The following SLC20A2 variants were observed in gnomAD, a reference collection of about 807,000 sequenced individuals.
SLC20A2 encodes the protein solute carrier family 20 member 2.
SLC20A2 carries 30 observed loss-of-function variants against 61.0 expected under a neutral mutation model. The ratio of observed to expected loss-of-function variants is 0.49; its 90% CI spans 0.37 to 0.67. The LOEUF is 0.67. Ranked by LOEUF, SLC20A2 falls within the 30% of genes least tolerant of loss-of-function variation. SLC20A2 has a pLI of 0.00. For synonymous variants in SLC20A2, 351 were observed against 353.3 expected (o/e 0.99, Z 0.07); for missense variants, 626 against 866.4 (o/e 0.72, Z 3.48).
intron 6 of SLC20A2, 35 bp downstream of exon 6, chr8:42,444,611 A>G: frequency 2.6e-6 from 4 of 1,511,856 alleles, no homozygotes; most frequent in Non-Finnish European, 3.7e-6. Context: ...AATCGGGAGC[A>G]TTTCTGTAAA....
chr8:42,465,889 G>A lies in SLC20A2; in HGVS notation c.318C>T (p.Ser106=). The part of the protein sequence containing the change: ...VGSAVWQLIA[S]FLRLPISGTH... ...TTCCTGAGATTGGAAGCCTCAGGAAGGAAGCAATCAGCTGCCACACAGCGG... is the reference window on the plus strand; with the variant it reads ...TTCCTGAGATTGGAAGCCTCAGGAAAGAAGCAATCAGCTGCCACACAGCGG... Residue 106 remains serine (S), a synonymous_variant, in exon 3 of 11, where the codon TCC becomes TCT. Coordinates refer to ENST00000520262, the MANE Select transcript of SLC20A2 (RefSeq NM_001257180.2). 1 of 1,613,186 alleles carries A rather than the reference G, an allele frequency of 6.2e-7. No homozygotes were observed. Among genetic ancestry groups the A allele is most frequent in the Non-Finnish European group, 8.5e-7 (1 of 1,179,788 alleles).
chr8:42,445,374 AT>A (rs1422262049), intron 5 of SLC20A2, among the ~76,000 whole-genome samples: 1 of 152,166 alleles, frequency 6.6e-6, no homozygotes, highest in African/African-American at 2.4e-5. Context: ...TTGGGATGAA[AT>A]CCATTTACAT....
At chr8:42,507,850 C>T (rs994887485) in intron 1 of SLC20A2, among the ~76,000 whole-genome samples, 2 of 152,190 alleles carry the variant, frequency 1.3e-5, no homozygotes, top group Non-Finnish European at 2.9e-5. Context: ...AAAGAAGAGG[C>T]TTCCAGTTGT....
chr8:42,514,527 G>A (rs1811209924), intron 1 of SLC20A2, among the ~76,000 whole-genome samples: 1 of 152,182 alleles, frequency 6.6e-6, no homozygotes, highest in African/African-American at 2.4e-5. Context: ...GGAGGCCGAG[G>A]CAGGTGGATC....
At chr8:42,476,537 G>A (rs1184567770) in intron 1 of SLC20A2, among the ~76,000 whole-genome samples, 3 of 152,150 alleles carry the variant, frequency 2.0e-5, no homozygotes, top group Admixed American at 6.5e-5. Context: ...TGGGAAGAGC[G>A]GCTGGCACAA....
At chr8:42,456,163 GA>G (rs1239567810) in intron 5 of SLC20A2, among the ~76,000 whole-genome samples, 1 of 152,088 alleles carries the variant, frequency 6.6e-6, no homozygotes, top group Non-Finnish European at 1.5e-5. Flanking sequence ...GCCATGTATA[GA>G]AAAAGTCAGA....
intron 1 of SLC20A2, among the ~76,000 whole-genome samples, chr8:42,499,738 T>C (rs577243002): frequency 5.9e-5 from 9 of 152,314 alleles, no homozygotes; most frequent in Non-Finnish European, 1.2e-4. Context: ...TGGATAAAAA[T>C]ATATATTATG....
At chr8:42,490,377 C>T (rs1205745647) in intron 1 of SLC20A2, among the ~76,000 whole-genome samples, 4 of 152,112 alleles carry the variant, frequency 2.6e-5, no homozygotes, top group South Asian at 2.1e-4. Flanking sequence ...GCGGGTGGAT[C>T]ACTTGAGGCC....
chr8:42,486,502 T>C (rs1809021759), intron 1 of SLC20A2, among the ~76,000 whole-genome samples: 1 of 152,344 alleles, frequency 6.6e-6, no homozygotes, highest in Non-Finnish European at 1.5e-5. Context: ...TGCCTTCCTC[T>C]AGTGAGGTAG....
intron 1 of SLC20A2, among the ~76,000 whole-genome samples, chr8:42,494,810 C>G (rs1354130163): frequency 6.6e-6 from 1 of 152,028 alleles, no homozygotes; most frequent in Non-Finnish European, 1.5e-5. Context: ...GACTGGACAG[C>G]TATAATGAGA....
intron 1 of SLC20A2, among the ~76,000 whole-genome samples, chr8:42,530,431 A>G (rs1013155082): frequency 1.3e-5 from 2 of 152,252 alleles, no homozygotes; most frequent in African/African-American, 4.8e-5. Flanking sequence ...ACTTAGTAAT[A>G]TTCTAACATA....
At chr8:42,483,554 G>A (rs1355377395) in intron 1 of SLC20A2, among the ~76,000 whole-genome samples, 2 of 152,196 alleles carry the variant, frequency 1.3e-5, no homozygotes, top group Non-Finnish European at 2.9e-5. Flanking sequence ...AGCGAGGGAC[G>A]AGAATAGCCA....
At position 42,484,243 on chromosome 8, in the gene SLC20A2, T is replaced by G. The variant is rs564088261; in HGVS notation, c.-264-11589A>C. 1.8e-4 allele frequency among the ~76,000 whole-genome samples: 27 copies of G among 152,362 alleles called. No homozygotes were observed. In the South Asian group the frequency reaches 5.4e-3, roughly 30 times the overall value. ...TCTCTGAAGTGCTTCATCAGAAATC[T>G]GAAAACCTGATTCTACTTCACTAAT... is the stretch of plus-strand genomic sequence containing the variant. On this transcript the variant is annotated intron_variant, in intron 1 of 10. Coordinates refer to ENST00000520262, the MANE Select transcript of SLC20A2 (RefSeq NM_001257180.2).
At chr8:42,488,385 T>C (rs1386245544) in intron 1 of SLC20A2, among the ~76,000 whole-genome samples, 1 of 151,940 alleles carries the variant, frequency 6.6e-6, no homozygotes, top group African/African-American at 2.4e-5. Context: ...AGACGGGGTT[T>C]CAGCATGTTG....
intron 1 of SLC20A2, among the ~76,000 whole-genome samples, chr8:42,533,906 C>A (rs910879126): frequency 2.6e-5 from 4 of 151,236 alleles, no homozygotes; most frequent in Non-Finnish European, 5.9e-5. Context: ...GATCTGCCCA[C>A]CTCGGCCTCT....
At chr8:42,441,366 C>T (rs905098783) in intron 6 of SLC20A2, among the ~76,000 whole-genome samples, 1 of 149,288 alleles carries the variant, frequency 6.7e-6, no homozygotes, top group Non-Finnish European at 1.5e-5. Flanking sequence ...GTTGGCCAAG[C>T]TTGTCTCGAA....
rs1804398449 is a variant in SLC20A2 at position 42,437,646 on chromosome 8, G to C, written c.935-69C>G. On this transcript the variant is annotated intron_variant, in intron 7 of 10. Transcript: ENST00000520262. The surrounding 1 kb of genome is among the most constrained non-coding windows in gnomAD (Gnocchi z 6.4). ...TTTTTTCTTTTCTTTTTGAGACGGA[G>C]CCTTGCTCTGTCCTCAGGGTGGAGT... 7.7e-7 allele frequency: 1 copy of C among 1,306,514 alleles called. No individual in the cohort carries two copies. The highest frequency in any genetic ancestry group is 1.0e-6 in the Non-Finnish European group (1 of 976,288). The allele number at this position is 1,306,514 out of a possible 1,614,324, so 80.9% of individuals were successfully genotyped here.
chr8:42,425,385 G>A (rs561464083), intron 10 of SLC20A2, among the ~76,000 whole-genome samples: 5 of 152,232 alleles, frequency 3.3e-5, no homozygotes, highest in African/African-American at 1.2e-4. Flanking sequence ...TTCATCCCAC[G>A]TTTGCCATTT....
chr8:42,439,592 C>T lies in SLC20A2; in HGVS notation c.792G>A (p.Gln264=). 1 of 1,614,224 alleles carries T rather than the reference C, an allele frequency of 6.2e-7. No homozygotes were observed. The highest frequency in any genetic ancestry group is 8.5e-7 in the Non-Finnish European group (1 of 1,180,038). The change falls in exon 7 of 11, where the codon CAG becomes CAA. Residue 264 remains glutamine, a synonymous_variant. Transcript: ENST00000520262. The part of the protein sequence containing the change: ...RVSDESLSKV[Q]EAESPVFKEL... Reference sequence around the variant, plus strand: ...CTTTAAATACTGGGGACTCTGCTTCCTGAACCTTACTGAGGCTTTCGTCAG... The same window carrying T: ...CTTTAAATACTGGGGACTCTGCTTCTTGAACCTTACTGAGGCTTTCGTCAG...
Sources: allele counts gnomAD v4.1 joint callset (sites outside exome capture counted in the v4.1 genomes callset), GRCh38; gene constraint gnomAD v4.1.1; non-coding constraint Gnocchi (gnomAD v3.1); transcripts MANE v1.5; gene names NCBI Gene and HGNC (gene_info 2026-07-23, HGNC 2026-07-21).